SPMIP7: variants seen among roughly 807,000 people sequenced by gnomAD.
The protein encoded by SPMIP7 is sperm microtubule inner protein 7, also known as protein SPMIP7.
At chr7:50,149,358 T>A in the SPMIP7 span, among the ~76,000 whole-genome samples, 1 of 152,214 alleles carries the variant, frequency 6.6e-6, no homozygotes, top group Non-Finnish European at 1.5e-5. Context: ...TAGTTTAGCA[T>A]CTATTAAGTG....
chr7:50,125,251 C>T, the SPMIP7 span, among the ~76,000 whole-genome samples: 1 of 75,680 alleles, frequency 1.3e-5, no homozygotes, highest in African/African-American at 6.6e-5. Context: ...CATATATACA[C>T]ATATATATAC....
the SPMIP7 span, chr7:50,159,004 T>G: frequency 6.5e-7 from 1 of 1,544,888 alleles, no homozygotes; most frequent in Non-Finnish European, 8.8e-7. Flanking sequence ...GTACATGTCT[T>G]TTATGTCTCA....
the SPMIP7 span, among the ~76,000 whole-genome samples, chr7:50,128,638 A>G: frequency 6.6e-6 from 1 of 152,024 alleles, no homozygotes; most frequent in Non-Finnish European, 1.5e-5. Flanking sequence ...GAAAGCCGAT[A>G]GTGGTAGAAT....
the SPMIP7 span, among the ~76,000 whole-genome samples, chr7:50,130,865 C>T: frequency 6.6e-6 from 1 of 152,020 alleles, no homozygotes; most frequent in South Asian, 2.1e-4. Context: ...TAAGGAAGAA[C>T]AAAAGGCCAG....
the SPMIP7 span, among the ~76,000 whole-genome samples, chr7:50,139,336 C>T: frequency 0.46 from 66,685 of 145,516 alleles, 15,438 homozygotes; most frequent in East Asian, 0.72. Context: ...GTGACTAGAG[C>T]GAGGCACCAT....
chr7:50,134,021 G>A, the SPMIP7 span: 1 of 1,231,746 alleles, frequency 8.1e-7, no homozygotes, highest in Admixed American at 2.7e-5. Flanking sequence ...GTCATCTTCG[G>A]ATTCTCTTAT....
At chr7:50,134,956 A>T in the SPMIP7 span, among the ~76,000 whole-genome samples, 3 of 152,052 alleles carry the variant, frequency 2.0e-5, no homozygotes, top group East Asian at 5.8e-4. Context: ...TTCCCTCCTT[A>T]GCTTCATCCC....
chr7:50,149,238 C>T, the SPMIP7 span, among the ~76,000 whole-genome samples: 41,612 of 152,102 alleles, frequency 0.27, 7,201 homozygotes, highest in Non-Finnish European at 0.4. Flanking sequence ...GAACCTCTGT[C>T]TTAGCATCTT....
the SPMIP7 span, among the ~76,000 whole-genome samples, chr7:50,145,314 C>A: frequency 1.3e-5 from 2 of 150,708 alleles, no homozygotes; most frequent in Non-Finnish European, 3.0e-5. Flanking sequence ...TTATCCTCTT[C>A]AGTATAAGAT....
At chr7:50,155,011 C>T in the SPMIP7 span, among the ~76,000 whole-genome samples, 1 of 152,164 alleles carries the variant, frequency 6.6e-6, no homozygotes, top group Non-Finnish European at 1.5e-5. Context: ...TGTTCAGGTC[C>T]TTTGCCCATT....
the SPMIP7 span, among the ~76,000 whole-genome samples, chr7:50,102,498 C>A: frequency 2.6e-5 from 4 of 152,140 alleles, no homozygotes; most frequent in Non-Finnish European, 5.9e-5. Context: ...CTAGAGGCTA[C>A]CCATATCCTA....
At chr7:50,146,795 T>C in the SPMIP7 span, among the ~76,000 whole-genome samples, 4 of 152,338 alleles carry the variant, frequency 2.6e-5, no homozygotes, top group East Asian at 7.7e-4. Context: ...TCCCACTTTC[T>C]GCTCCCCTTG....
the SPMIP7 span, among the ~76,000 whole-genome samples, chr7:50,134,591 T>C: frequency 6.6e-6 from 1 of 152,176 alleles, no homozygotes; most frequent in African/African-American, 2.4e-5. Context: ...ACAGAAATAA[T>C]TTTACCAGAT....
the SPMIP7 span, chr7:50,134,272 T>G: frequency 6.7e-7 from 1 of 1,496,130 alleles, no homozygotes; most frequent in African/African-American, 1.4e-5. Context: ...TGAACAATAA[T>G]GTATTTCTCA....
At chr7:50,125,029 G>A in the SPMIP7 span, among the ~76,000 whole-genome samples, 6 of 150,196 alleles carry the variant, frequency 4.0e-5, no homozygotes, top group South Asian at 6.4e-4. Context: ...AACCCAGGAG[G>A]CGGAGATTGC....
chr7:50,151,124 A>G, the SPMIP7 span, among the ~76,000 whole-genome samples: 3 of 152,262 alleles, frequency 2.0e-5, no homozygotes, highest in Non-Finnish European at 2.9e-5. Context: ...AAGACCTGGT[A>G]TCTTCCTTCA....
the SPMIP7 span, among the ~76,000 whole-genome samples, chr7:50,149,870 CCTT>C: frequency 6.6e-6 from 1 of 152,270 alleles, no homozygotes; most frequent in East Asian, 1.9e-4. Context: ...CAGTGTGAAT[CCTT>C]CTCGTTTCCA....
chr7:50,144,061 A>G, the SPMIP7 span, among the ~76,000 whole-genome samples: 1 of 152,226 alleles, frequency 6.6e-6, no homozygotes, highest in African/African-American at 2.4e-5. Flanking sequence ...TTCTGGGGTC[A>G]GAATATGTAA....
the SPMIP7 span, chr7:50,104,237 T>C: frequency 1.7e-6 from 1 of 598,752 alleles, no homozygotes; most frequent in Non-Finnish European, 2.9e-6. Context: ...TAGCTTCTAA[T>C]AGTAAATATT....
Sources: gnomAD v4.1 joint callset for allele counts (sites outside exome capture counted in the v4.1 genomes callset) on GRCh38, gnomAD v4.1.1 for gene constraint, MANE v1.5 for transcripts, NCBI Gene and HGNC (gene_info 2026-07-23, HGNC 2026-07-21) for gene names.